AP1B1: variants seen among roughly 807,000 people sequenced by gnomAD.
The protein encoded by AP1B1 is AP-1 complex subunit beta-1.
AP1B1 carries 36 observed loss-of-function variants against 104.3 expected under a neutral mutation model. The ratio of observed to expected loss-of-function variants is 0.35; its 90% confidence interval spans 0.26 to 0.46. AP1B1 has a LOEUF of 0.46. AP1B1 is among the 20% of genes least tolerant of loss of function. AP1B1 has a pLI of 1.00. For missense variants in AP1B1, 901 were observed against 1,247.9 expected (o/e 0.72, Z 4.19); for synonymous variants, 504 against 517.5 (o/e 0.97, Z 0.35).
At chr22:29,366,253 T>C (rs1285588279) in intron 2 of AP1B1, among the ~76,000 whole-genome samples, 1 of 152,232 alleles carries the variant, frequency 6.6e-6, no homozygotes, top group East Asian at 1.9e-4. Flanking sequence ...TCAGTGTAGC[T>C]ACTCAATAGA....
intron 1 of AP1B1, among the ~76,000 whole-genome samples, chr22:29,383,879 C>T (rs1377408424): frequency 2.6e-5 from 4 of 152,150 alleles, no homozygotes; most frequent in African/African-American, 7.2e-5. Context: ...CATACCACAA[C>T]TAGGAGAGGC....
intron 19 of AP1B1, among the ~76,000 whole-genome samples, chr22:29,331,010 C>A (rs1027380380): frequency 2.6e-5 from 4 of 152,210 alleles, no homozygotes; most frequent in African/African-American, 9.7e-5. Context: ...GCCTCCCATG[C>A]AGGCCTTCTG....
chr22:29,334,466 C>A (rs989494634), intron 16 of AP1B1, 56 bp from the exon 17 acceptor site: 186 of 1,535,758 alleles, frequency 1.2e-4, no homozygotes, highest in Middle Eastern at 8.1e-4. Flanking sequence ...GCAGCCCAAA[C>A]TCAACAGCCC....
At chr22:29,364,433 T>C (rs1159579221) in intron 2 of AP1B1, among the ~76,000 whole-genome samples, 3 of 152,256 alleles carry the variant, frequency 2.0e-5, no homozygotes, top group Non-Finnish European at 2.9e-5. Context: ...TTTTTTATTT[T>C]TTTGAGACAG....
At position 29,351,734 on chromosome 22, in the gene AP1B1, G is replaced by A. The variant is rs776175523; in HGVS notation, c.1030C>T (p.Arg344Cys). The stretch of plus-strand genomic sequence containing the variant: ...GCGATGTTGGCCTGAGAGGCCAGGC[G>A]GATCATGATGTCCAGCTTCTCCAGC... The part of the protein sequence containing the change: ...VKLEKLDIMI[R>C]LASQANIAQV... Residue 344 changes from arginine to cysteine, a missense_variant, in exon 8 of 23, where the codon CGC becomes TGC. Transcript: ENST00000357586. The A allele has an allele frequency of 3.1e-6, 5 of 1,613,974 alleles. No homozygotes were observed. The highest frequency in any genetic ancestry group is 2.2e-5 in the South Asian group (2 of 91,084).
At position 29,351,162 on chromosome 22, in the gene AP1B1, G is replaced by T. The variant is rs2061868108; in HGVS notation, c.1155+9C>A. On this transcript the variant is annotated intron_variant, in intron 9 of 22. Coordinates refer to ENST00000357586, the MANE Select transcript of AP1B1 (RefSeq NM_001127.4). ...TTCTCCAGCCAAGGACAGAGTCCCA[G>T]AGCCTCACCTCCACCTTGATGGCGC... 1 of 1,605,532 alleles carries T rather than the reference G, an allele frequency of 6.2e-7. No individual in the cohort carries two copies. The highest frequency in any genetic ancestry group is 1.3e-5 in the African/African-American group (1 of 74,804).
At chr22:29,342,189 G>T in intron 12 of AP1B1, 96 bp downstream of exon 12, 2 of 998,388 alleles carry the variant, frequency 2.0e-6, no homozygotes, top group Admixed American at 4.3e-5. Context: ...CCTGTCTTAG[G>T]AGCGGGCCTG....
intron 13 of AP1B1, among the ~76,000 whole-genome samples, chr22:29,341,073 C>T (rs377584875): frequency 8.5e-5 from 13 of 152,318 alleles, no homozygotes; most frequent in African/African-American, 2.2e-4. Flanking sequence ...GGGAGAGGGC[C>T]GCCTGCTTCT....
chr22:29,336,771 T>A (rs949567963), intron 16 of AP1B1, among the ~76,000 whole-genome samples: 1 of 142,872 alleles, frequency 7.0e-6, no homozygotes, highest in Non-Finnish European at 1.5e-5. Context: ...ACCATTGCAC[T>A]CCAGCCTGTG....
At chr22:29,329,128 C>T (rs2061519018) in intron 22 of AP1B1, 2 of 1,343,880 alleles carry the variant, frequency 1.5e-6, no homozygotes, top group Non-Finnish European at 1.9e-6. Context: ...AGCCCAGTCA[C>T]CAGAGCCCTG....
intron 1 of AP1B1, among the ~76,000 whole-genome samples, chr22:29,372,055 A>T (rs912938224): frequency 2.0e-5 from 3 of 152,194 alleles, no homozygotes; most frequent in Non-Finnish European, 2.9e-5. Context: ...TCTCACACCC[A>T]CATTTGAAAG....
At chr22:29,379,486 C>T (rs886676216) in intron 1 of AP1B1, among the ~76,000 whole-genome samples, 10 of 152,198 alleles carry the variant, frequency 6.6e-5, no homozygotes, top group Non-Finnish European at 1.3e-4. Context: ...GGAACACTTT[C>T]TGAAGATCTG....
Position 29,341,545 on chromosome 22 carries a change from C to A in AP1B1, c.1752G>T (p.Gly584=). The A allele has an allele frequency of 6.2e-7, 1 of 1,614,132 alleles. No individual in the cohort carries two copies. Among genetic ancestry groups the A allele is most frequent in the Non-Finnish European group, 8.5e-7 (1 of 1,180,012 alleles). The change falls in exon 13 of 23, where the codon GGG becomes GGT. Residue 584 remains glycine (G), a synonymous_variant. Transcript: ENST00000357586. ...YHKPPSAFVE[G]GRGVVHKSLP... is the part of the protein sequence containing the mutation. The stretch of plus-strand genomic sequence containing the variant: ...GGCTCTTGTGCACGACGCCCCGGCC[C>A]CCCTCCACAAAGGCACTGGGAGGCT...
chr22:29,334,562 G>A, intron 16 of AP1B1, 152 bp from the exon 17 acceptor site: 1 of 870,868 alleles, frequency 1.1e-6, no homozygotes, highest in South Asian at 1.9e-5. Context: ...ATGAACAGGT[G>A]TGTACTGGGA....
chr22:29,365,307 C>T (rs1398661530), intron 2 of AP1B1, among the ~76,000 whole-genome samples: 1 of 152,156 alleles, frequency 6.6e-6, no homozygotes, highest in African/African-American at 2.4e-5. Flanking sequence ...TCTGTCCACA[C>T]ATCTCTCTTC....
chr22:29,351,170 C>G lies in AP1B1; in HGVS notation c.1155+1G>C. 6.2e-7 allele frequency: 1 copy of G among 1,609,888 alleles called. No homozygotes were observed. Among genetic ancestry groups the G allele is most frequent in the Middle Eastern group, 1.7e-4 (1 of 6,044 alleles). The stretch of plus-strand genomic sequence containing the variant: ...CCAAGGACAGAGTCCCAGAGCCTCA[C>G]CTCCACCTTGATGGCGCAGCGGCCA... On this transcript the variant is annotated splice_donor_variant, in intron 9 of 22. Transcript: ENST00000357586. LOFTEE classifies it high-confidence loss of function.
intron 16 of AP1B1, among the ~76,000 whole-genome samples, chr22:29,338,437 G>T (rs1409119997): frequency 2.6e-5 from 4 of 152,184 alleles, no homozygotes; most frequent in African/African-American, 7.2e-5. Context: ...CATGTCTTCT[G>T]GGGTGAGCGG....
Position 29,358,805 on chromosome 22 carries a change from T to C in AP1B1, c.446A>G (p.His149Arg). ...KTAAVCVAKL[H>R]DINAQLVEDQ... ...CTCCACCAGCTGGGCGTTGATGTCG[T>C]GGAGCTTGGCCACGCACACAGCTGC... Residue 149 changes from histidine (H) to arginine (R), a missense_variant, in exon 5 of 23, where the codon CAC (histidine) becomes CGC (arginine). Physicochemically the swap from His to Arg is conservative, Grantham distance 29. Coordinates refer to ENST00000357586, the MANE Select transcript of AP1B1 (RefSeq NM_001127.4). The C allele has an allele frequency of 6.2e-7, 1 of 1,614,240 alleles. No homozygotes were observed.
intron 3 of AP1B1, among the ~76,000 whole-genome samples, chr22:29,362,255 C>T (rs945216505): frequency 1.3e-5 from 2 of 152,218 alleles, no homozygotes; most frequent in African/African-American, 2.4e-5. Context: ...CCAATCTGCA[C>T]GTGTGTTTTA....
Sources: allele counts gnomAD v4.1 joint callset (sites outside exome capture counted in the v4.1 genomes callset), GRCh38; gene constraint gnomAD v4.1.1; transcripts MANE v1.5; gene names NCBI Gene and HGNC (gene_info 2026-07-23, HGNC 2026-07-21).